The following BCAT1 variants were observed in gnomAD, a reference collection of about 807,000 sequenced individuals.
The protein encoded by BCAT1 is branched chain amino acid transaminase 1.
A neutral mutation model predicts 52.4 loss-of-function variants in BCAT1; 48 were observed. The ratio of observed to expected loss-of-function variants is 0.92; its 90% CI spans 0.73 to 1.16. The LOEUF is 1.16. Ranked by LOEUF, BCAT1 falls within the 50% of genes most tolerant of loss-of-function variation. The pLI, the probability that BCAT1 is intolerant of heterozygous loss-of-function variation, is 0.00. For missense variants in BCAT1, 451 were observed against 457.1 expected (o/e 0.99, Z 0.12); for synonymous variants, 167 against 161.3 (o/e 1.04, Z -0.27).
intron 1 of BCAT1, among the ~76,000 whole-genome samples, chr12:24,933,232 G>A (rs1012610702): frequency 1.4e-5 from 2 of 147,496 alleles, no homozygotes; most frequent in Admixed American, 7.1e-5. Context: ...GCCTCCCAAT[G>A]TGCCGAGATT....
chr12:24,896,745 A>G (rs1012638462), intron 2 of BCAT1, among the ~76,000 whole-genome samples: 1 of 152,176 alleles, frequency 6.6e-6, no homozygotes, highest in African/African-American at 2.4e-5. Context: ...CAGCCTGGGC[A>G]ATAAGAGTGG....
At chr12:24,858,941 A>C (rs1941770271) in intron 5 of BCAT1, among the ~76,000 whole-genome samples, 1 of 152,214 alleles carries the variant, frequency 6.6e-6, no homozygotes, top group Non-Finnish European at 1.5e-5. Context: ...CTGTGTGTTA[A>C]AATATTAGCT....
chr12:24,879,662 G>C (rs1247237457), intron 4 of BCAT1, among the ~76,000 whole-genome samples: 1 of 152,208 alleles, frequency 6.6e-6, no homozygotes, highest in East Asian at 1.9e-4. Flanking sequence ...TTGCTGTCTA[G>C]AGACAGAATT....
chr12:24,920,031 G>C (rs904105381), intron 1 of BCAT1, among the ~76,000 whole-genome samples: 1 of 151,892 alleles, frequency 6.6e-6, no homozygotes, highest in Non-Finnish European at 1.5e-5. Flanking sequence ...ACCCTGTCTT[G>C]GGTATGTCTT....
At chr12:24,893,770 G>A (rs933019417) in intron 3 of BCAT1, among the ~76,000 whole-genome samples, 1 of 152,174 alleles carries the variant, frequency 6.6e-6, no homozygotes, top group African/African-American at 2.4e-5. Flanking sequence ...AAAAGGACCA[G>A]AGAAAGAATT....
At chr12:24,906,045 C>T (rs1236693075) in intron 1 of BCAT1, among the ~76,000 whole-genome samples, 3 of 151,384 alleles carry the variant, frequency 2.0e-5, no homozygotes, top group Non-Finnish European at 4.4e-5. Flanking sequence ...AAAAATTAGC[C>T]GGGCTCGGTG....
chr12:24,823,483 A>G (rs1940236803), intron 10 of BCAT1, among the ~76,000 whole-genome samples: 1 of 152,118 alleles, frequency 6.6e-6, no homozygotes, highest in African/African-American at 2.4e-5. Context: ...AAACAAGAAC[A>G]TTTACTTTAG....
intron 1 of BCAT1, among the ~76,000 whole-genome samples, chr12:24,931,825 C>A (rs377706438): frequency 3.9e-4 from 60 of 152,234 alleles, no homozygotes; most frequent in African/African-American, 1.2e-3. Context: ...AAAAGGAGAA[C>A]GCCACACGAT....
intron 1 of BCAT1, among the ~76,000 whole-genome samples, chr12:24,947,167 C>CCA (rs57265449): frequency 0.19 from 26,578 of 140,954 alleles, 2,430 homozygotes; most frequent in African/African-American, 0.24. Flanking sequence ...CGTCTTCCCT[C>CCA]CACACACACA....
intron 3 of BCAT1, among the ~76,000 whole-genome samples, chr12:24,893,276 C>T (rs1014099092): frequency 1.3e-5 from 2 of 152,124 alleles, no homozygotes; most frequent in Non-Finnish European, 2.9e-5. Context: ...TCGCTATGCA[C>T]CAGATATGAC....
In BCAT1 at chr12:24,813,524, G is replaced by A. The variant is rs1464270942; in HGVS notation, c.*4484C>T. The stretch of plus-strand genomic sequence containing the variant: ...TAATCTGGCTTTGCTGAGAAAATCA[G>A]CAAGGATGCTGTAATCTGTGGTGTT... On this transcript the variant is annotated 3_prime_UTR_variant, in exon 11 of 11. Coordinates refer to ENST00000261192, the MANE Select transcript of BCAT1 (RefSeq NM_005504.7). The A allele has an allele frequency of 6.6e-6, 1 of 151,966 alleles. No homozygotes were observed. The highest frequency in any genetic ancestry group is 2.4e-5 in the African/African-American group (1 of 41,404). 9.4% of individuals were successfully genotyped at this position (151,966 alleles called of 1,614,324 possible).
intron 1 of BCAT1, among the ~76,000 whole-genome samples, chr12:24,948,319 C>T (rs1245710725): frequency 6.6e-6 from 1 of 152,198 alleles, no homozygotes; most frequent in Non-Finnish European, 1.5e-5. Flanking sequence ...CCTTGATTAG[C>T]AAGATCAGAG....
Position 24,949,017 on chromosome 12 carries a change from GCGGCTGCAGAGCGCGGTCC to G in BCAT1, c.-104_-86del, listed in dbSNP as rs561322355. 158 of 1,459,238 alleles carry G rather than the reference GCGGCTGCAGAGCGCGGTCC, an allele frequency of 1.1e-4. No individual in the cohort carries two copies. In the African/African-American group the frequency reaches 2.0e-3, roughly 19 times the overall value. 90.4% of individuals were successfully genotyped at this position (1,459,238 alleles called of 1,614,324 possible). A position where few individuals can be genotyped will look rare whatever the true frequency, so the allele number is the denominator to read the frequency against. ...GCCCCTGGCCGTGTGGACCGGGTCT[GCGGCTGCAGAGCGCGGTCC>G]CGGCTGCAGCAAGACCTGGGGCAGT... On this transcript the variant is annotated 5_prime_UTR_variant, in exon 1 of 11. Transcript: ENST00000261192.
intron 5 of BCAT1, among the ~76,000 whole-genome samples, chr12:24,855,093 A>T (rs150185334): frequency 6.6e-6 from 1 of 152,178 alleles, no homozygotes; most frequent in Non-Finnish European, 1.5e-5. Context: ...GCAAAAAGGG[A>T]AACAGTAGCT....
chr12:24,938,421 G>A (rs1242043695), intron 1 of BCAT1, among the ~76,000 whole-genome samples: 1 of 152,076 alleles, frequency 6.6e-6, no homozygotes, highest in African/African-American at 2.4e-5. Context: ...TGAGTGGGAG[G>A]GTCTACTGTG....
intron 10 of BCAT1, among the ~76,000 whole-genome samples, chr12:24,826,279 T>C (rs1472147965): frequency 6.6e-6 from 1 of 152,222 alleles, no homozygotes; most frequent in African/African-American, 2.4e-5. Context: ...GGTCTAAGAT[T>C]CAAGTCATTA....
intron 3 of BCAT1, among the ~76,000 whole-genome samples, chr12:24,885,308 A>C (rs1942627464): frequency 6.6e-6 from 1 of 152,220 alleles, no homozygotes; most frequent in Non-Finnish European, 1.5e-5. Context: ...GAATTAAAAG[A>C]TACAGTACTT....
At chr12:24,929,413 G>A (rs1396876940) in intron 1 of BCAT1, among the ~76,000 whole-genome samples, 1 of 152,192 alleles carries the variant, frequency 6.6e-6, no homozygotes, top group African/African-American at 2.4e-5. Flanking sequence ...ACCAGAATAT[G>A]CCACATCAGG....
chr12:24,902,666 C>A (rs920267724), intron 1 of BCAT1: 6 of 512,832 alleles, frequency 1.2e-5, no homozygotes, highest in Non-Finnish European at 2.0e-5. Context: ...GCTACCCTCA[C>A]GTCCCCCGTG....
Sources: allele counts gnomAD v4.1 joint callset (sites outside exome capture counted in the v4.1 genomes callset), GRCh38; gene constraint gnomAD v4.1.1; transcripts MANE v1.5; gene names NCBI Gene and HGNC (gene_info 2026-07-23, HGNC 2026-07-21).